Variants in PHACTR1 observed in about 807,000 individuals in gnomAD.
PHACTR1 encodes the protein RPEL repeat containing 1.
Under a neutral mutation model 69.2 loss-of-function variants are expected in PHACTR1, and 16 were observed. The observed-to-expected ratio is 0.23, with a 90% CI of 0.16 to 0.35. PHACTR1 has a LOEUF of 0.35. Ranked by LOEUF, PHACTR1 falls within the 10% of genes least tolerant of loss-of-function variation. PHACTR1 has a pLI of 1.00. For synonymous variants in PHACTR1, 312 were observed against 284.5 expected (o/e 1.10, Z -0.97); for missense variants, 510 against 734.7 (o/e 0.69, Z 3.54).
chr6:13,093,687 T>C (rs1244185502), intron 5 of PHACTR1, among the ~76,000 whole-genome samples: 3 of 152,234 alleles, frequency 2.0e-5, no homozygotes, highest in Admixed American at 6.5e-5. Context: ...ATCCTCTATA[T>C]TGGGTTCTAG....
intron 5 of PHACTR1, among the ~76,000 whole-genome samples, chr6:13,088,968 T>C (rs1812766354): frequency 6.6e-6 from 1 of 152,162 alleles, no homozygotes; most frequent in Non-Finnish European, 1.5e-5. Context: ...ATACAAAACT[T>C]CAAACATCCA....
intron 4 of PHACTR1, among the ~76,000 whole-genome samples, chr6:12,795,737 TG>T (rs1347155659): frequency 1.9e-3 from 241 of 126,306 alleles, no homozygotes; most frequent in African/African-American, 7.6e-3. Flanking sequence ...GTTTTTGAGT[TG>T]TTTTTTTTTT....
intron 4 of PHACTR1, among the ~76,000 whole-genome samples, chr6:12,854,351 TAGGGTAGTAGGCC>T (rs1193972927): frequency 6.6e-6 from 1 of 152,194 alleles, no homozygotes; most frequent in Non-Finnish European, 1.5e-5. Context: ...CCCTCAGATG[TAGGGTAGTAGGCC>T]AGGCTAATAG....
At chr6:12,991,262 A>G (rs1796788115) in intron 4 of PHACTR1, among the ~76,000 whole-genome samples, 1 of 152,064 alleles carries the variant, frequency 6.6e-6, no homozygotes, top group Non-Finnish European at 1.5e-5. Flanking sequence ...TAACACACTG[A>G]CCCAGGGTGA....
chr6:12,989,597 C>G (rs991365609), intron 4 of PHACTR1, among the ~76,000 whole-genome samples: 2 of 152,204 alleles, frequency 1.3e-5, no homozygotes, highest in African/African-American at 4.8e-5. Context: ...AGTCTCAACA[C>G]TGCCTGTAGG....
rs541815323 is a variant in PHACTR1, at chr6:12,809,186, C to T, written c.250+59396C>T. Among the ~76,000 whole-genome samples, 20 of 152,228 alleles carry T rather than the reference C, an allele frequency of 1.3e-4. No individual in the cohort carries two copies. The South Asian group carries it at 3.1e-3, about 24-fold the overall frequency. On this transcript the variant is annotated intron_variant, in intron 4 of 14. Transcript: ENST00000332995. ...TACAGGAGTAAGCCACCATGCCCAGCCATCTACTGTCTTACTTTTAAGCTA... is the reference window on the plus strand; with the variant it reads ...TACAGGAGTAAGCCACCATGCCCAGTCATCTACTGTCTTACTTTTAAGCTA...
chr6:13,133,935 C>A (rs1215937591), intron 5 of PHACTR1, among the ~76,000 whole-genome samples: 2 of 151,146 alleles, frequency 1.3e-5, no homozygotes. Flanking sequence ...TGGGGAGCGC[C>A]TCTGCCCCGC....
At chr6:12,836,344 C>G (rs1234309082) in intron 4 of PHACTR1, among the ~76,000 whole-genome samples, 5 of 152,142 alleles carry the variant, frequency 3.3e-5, no homozygotes, top group Non-Finnish European at 7.4e-5. Flanking sequence ...AGCAATTTAC[C>G]TGAATTCTTT....
At chr6:13,045,856 A>G (rs1057127161) in intron 4 of PHACTR1, among the ~76,000 whole-genome samples, 5 of 152,226 alleles carry the variant, frequency 3.3e-5, no homozygotes, top group Admixed American at 2.6e-4. Context: ...TGCCTTTACC[A>G]GGCAGAACTC....
intron 4 of PHACTR1, among the ~76,000 whole-genome samples, chr6:12,993,228 T>C (rs1797023625): frequency 6.6e-6 from 1 of 152,256 alleles, no homozygotes; most frequent in Non-Finnish European, 1.5e-5. Flanking sequence ...CCTCACTATC[T>C]ACCTAAATAA....
intron 10 of PHACTR1, among the ~76,000 whole-genome samples, chr6:13,259,529 G>A (rs1306731159): frequency 6.6e-6 from 1 of 152,028 alleles, no homozygotes; most frequent in East Asian, 1.9e-4. Context: ...TTCAGGTAAG[G>A]GATTTTTTTC....
At chr6:12,925,039 G>A (rs978270633) in intron 4 of PHACTR1, among the ~76,000 whole-genome samples, 5 of 152,102 alleles carry the variant, frequency 3.3e-5, no homozygotes, top group African/African-American at 4.8e-5. Flanking sequence ...TTCACATTCA[G>A]ATCCATCACC....
intron 4 of PHACTR1, among the ~76,000 whole-genome samples, chr6:13,042,481 G>C (rs187464929): frequency 6.6e-6 from 1 of 152,182 alleles, no homozygotes; most frequent in Non-Finnish European, 1.5e-5. Context: ...GAACACTGCC[G>C]TCAAAGTTAC....
chr6:13,116,634 G>A (rs1369029802), intron 5 of PHACTR1, among the ~76,000 whole-genome samples: 1 of 152,118 alleles, frequency 6.6e-6, no homozygotes, highest in Non-Finnish European at 1.5e-5. Flanking sequence ...ACAGAGGTAT[G>A]CCCTTTTAAA....
At chr6:12,957,718 C>A (rs1046302959) in intron 4 of PHACTR1, 3 of 985,282 alleles carry the variant, frequency 3.0e-6, no homozygotes, top group South Asian at 4.7e-5. Flanking sequence ...TAAAATGGAC[C>A]CTTCATGCCA....
chr6:13,114,121 C>A (rs1817455184), intron 5 of PHACTR1, among the ~76,000 whole-genome samples: 1 of 152,188 alleles, frequency 6.6e-6, no homozygotes. Flanking sequence ...CCCTGCCCCC[C>A]ATTTCCCAGC....
chr6:12,880,225 T>C (rs539302083), intron 4 of PHACTR1, among the ~76,000 whole-genome samples: 1 of 90,664 alleles, frequency 1.1e-5, no homozygotes, highest in African/African-American at 4.1e-5. Flanking sequence ...CTCATACTTT[T>C]TTTTCTTTTT....
chr6:13,258,553 T>C (rs569507437), intron 10 of PHACTR1, among the ~76,000 whole-genome samples: 1 of 152,202 alleles, frequency 6.6e-6, no homozygotes, highest in East Asian at 1.9e-4. Flanking sequence ...GGACCAGCAA[T>C]GGGCTTGAAG....
chr6:13,077,187 A>AG (rs1554122444), intron 5 of PHACTR1, among the ~76,000 whole-genome samples: 9 of 147,776 alleles, frequency 6.1e-5, no homozygotes, highest in Admixed American at 6.7e-5. Flanking sequence ...AAAAAAAAAA[A>AG]AAAGTGATTG....
Sources: gnomAD v4.1 joint callset for allele counts (sites outside exome capture counted in the v4.1 genomes callset) on GRCh38, gnomAD v4.1.1 for gene constraint, MANE v1.5 for transcripts, NCBI Gene and HGNC (gene_info 2026-07-23, HGNC 2026-07-21) for gene names.